FNDC3B: variants seen among roughly 807,000 people sequenced by gnomAD.
The protein encoded by FNDC3B is fibronectin type III domain-containing protein 3B.
FNDC3B carries 12 observed loss-of-function variants against 151.5 expected under a neutral mutation model. The ratio of observed to expected loss-of-function variants is 0.08; its 90% CI spans 0.05 to 0.13. FNDC3B has a LOEUF of 0.13. FNDC3B is among the 10% of genes least tolerant of loss of function. The pLI, the probability that FNDC3B is intolerant of heterozygous loss-of-function variation, is 1.00. For missense variants in FNDC3B, 1,214 were observed against 1,505.3 expected (o/e 0.81, Z 3.20); for synonymous variants, 528 against 549.0 (o/e 0.96, Z 0.54).
intron 1 of FNDC3B, among the ~76,000 whole-genome samples, chr3:172,058,055 A>T (rs962483289): frequency 3.9e-5 from 6 of 152,322 alleles, no homozygotes; most frequent in Admixed American, 3.3e-4. Flanking sequence ...ATTTACGTGC[A>T]AGTTAGGTGT....
chr3:172,108,544 G>A (rs1027121749), intron 1 of FNDC3B, among the ~76,000 whole-genome samples: 19 of 152,308 alleles, frequency 1.2e-4, no homozygotes, highest in East Asian at 9.6e-4. Flanking sequence ...TTAAGTCCAC[G>A]TGTAGTTTTG....
chr3:172,178,129 A>C (rs1324195153), intron 3 of FNDC3B, among the ~76,000 whole-genome samples: 1 of 152,150 alleles, frequency 6.6e-6, no homozygotes, highest in Non-Finnish European at 1.5e-5. Flanking sequence ...AAGGAGCAGA[A>C]ATTGAACACT....
At chr3:172,271,279 G>A (rs1452112547) in intron 6 of FNDC3B, among the ~76,000 whole-genome samples, 1 of 152,160 alleles carries the variant, frequency 6.6e-6, no homozygotes, top group Non-Finnish European at 1.5e-5. Context: ...ACTCTTGACT[G>A]CATAGCAACA....
At chr3:172,205,971 T>TA (rs2108698877) in intron 3 of FNDC3B, among the ~76,000 whole-genome samples, 1 of 152,346 alleles carries the variant, frequency 6.6e-6, no homozygotes, top group African/African-American at 2.4e-5. Flanking sequence ...TATCTTAGTA[T>TA]AAAATCAGGA....
chr3:172,080,910 A>G (rs1372559978), intron 1 of FNDC3B, among the ~76,000 whole-genome samples: 3 of 152,182 alleles, frequency 2.0e-5, no homozygotes, highest in African/African-American at 7.2e-5. Context: ...TTACTTAGGA[A>G]TTCATGTAAG....
intron 1 of FNDC3B, among the ~76,000 whole-genome samples, chr3:172,082,220 G>T (rs1157907690): frequency 1.3e-5 from 2 of 152,120 alleles, no homozygotes; most frequent in African/African-American, 2.4e-5. Flanking sequence ...TTAATGTGGA[G>T]GTCTGACCAA....
At chr3:172,214,353 A>G (rs1292638045) in intron 3 of FNDC3B, among the ~76,000 whole-genome samples, 1 of 152,228 alleles carries the variant, frequency 6.6e-6, no homozygotes, top group Non-Finnish European at 1.5e-5. Flanking sequence ...ATCATCTCAC[A>G]GCCCATTATT....
At chr3:172,250,114 TA>T (rs1464017186) in intron 5 of FNDC3B, among the ~76,000 whole-genome samples, 1 of 152,222 alleles carries the variant, frequency 6.6e-6, no homozygotes, top group Non-Finnish European at 1.5e-5. Context: ...TACTGATACC[TA>T]AAAATAATTT....
At position 172,045,440 on chromosome 3, in the gene FNDC3B, T is replaced by C. The variant is rs374499282; in HGVS notation, c.-29+5669T>C. ...TGAGGTGGCGGGAAAAAGTGCAGTC[T>C]CTTAGAGGAACGTTCAGTACTGAAT... On this transcript the variant is annotated intron_variant, in intron 1 of 25. Transcript: ENST00000415807. Among the ~76,000 whole-genome samples the C allele has an allele frequency of 7.2e-5, 11 of 152,272 alleles. No homozygotes were observed. In the South Asian group the frequency reaches 2.3e-3, roughly 32 times the overall value.
At chr3:172,073,921 C>G (rs924738602) in intron 1 of FNDC3B, among the ~76,000 whole-genome samples, 3 of 151,888 alleles carry the variant, frequency 2.0e-5, no homozygotes, top group Admixed American at 6.6e-5. Context: ...CCCCTGATCC[C>G]TTCCCCCACC....
intron 3 of FNDC3B, among the ~76,000 whole-genome samples, chr3:172,154,310 G>T (rs1480127812): frequency 2.6e-5 from 4 of 152,122 alleles, no homozygotes; most frequent in African/African-American, 4.8e-5. Flanking sequence ...CCACCTTCTG[G>T]GTTCAAGCCA....
chr3:172,226,773 CATTA>C, intron 3 of FNDC3B, 94 bp from the exon 4 acceptor site: 2 of 780,668 alleles, frequency 2.6e-6, no homozygotes, highest in Non-Finnish European at 4.4e-6. Context: ...TTGTCAAAGT[CATTA>C]ATTATCTTCA....
chr3:172,285,195 C>A (rs1334088845), intron 6 of FNDC3B, among the ~76,000 whole-genome samples: 3 of 152,146 alleles, frequency 2.0e-5, no homozygotes, highest in African/African-American at 7.2e-5. Context: ...CTCACCCTTA[C>A]CCATCACATC....
intron 11 of FNDC3B, among the ~76,000 whole-genome samples, chr3:172,327,068 G>T (rs1732393109): frequency 6.6e-6 from 1 of 151,970 alleles, no homozygotes; most frequent in South Asian, 2.1e-4. Context: ...TCGGATGCTG[G>T]GTGTAATTAT....
chr3:172,298,646 T>A, intron 8 of FNDC3B, 82 bp from the exon 9 acceptor site: 1 of 794,544 alleles, frequency 1.3e-6, no homozygotes. Flanking sequence ...TTATTGTCAG[T>A]ACATTACTGG....
intron 3 of FNDC3B, among the ~76,000 whole-genome samples, chr3:172,173,690 G>T (rs1479879697): frequency 2.0e-5 from 3 of 151,948 alleles, no homozygotes; most frequent in African/African-American, 7.3e-5. Flanking sequence ...GCATAGTGGT[G>T]CATACCTGTA....
chr3:172,277,779 A>G (rs542878057), intron 6 of FNDC3B, among the ~76,000 whole-genome samples: 1 of 152,080 alleles, frequency 6.6e-6, no homozygotes, highest in South Asian at 2.1e-4. Context: ...CCCCCCTCAG[A>G]TAGGGTGAGG....
At chr3:172,240,406 C>G (rs1163304455) in intron 4 of FNDC3B, among the ~76,000 whole-genome samples, 1 of 152,148 alleles carries the variant, frequency 6.6e-6, no homozygotes, top group Non-Finnish European at 1.5e-5. Flanking sequence ...AACTTGAACT[C>G]TACCTAACTC....
At chr3:172,162,743 C>A (rs544241072) in intron 3 of FNDC3B, among the ~76,000 whole-genome samples, 1 of 149,834 alleles carries the variant, frequency 6.7e-6, no homozygotes, top group Non-Finnish European at 1.5e-5. Flanking sequence ...TGCCAGGGAT[C>A]GGCATTCACA....
Sources: gnomAD v4.1 joint callset for allele counts (sites outside exome capture counted in the v4.1 genomes callset) on GRCh38, gnomAD v4.1.1 for gene constraint, MANE v1.5 for transcripts, NCBI Gene and HGNC (gene_info 2026-07-23, HGNC 2026-07-21) for gene names.